GSK3B: variants seen among roughly 807,000 people sequenced by gnomAD.
GSK3B encodes glycogen synthase kinase-3 beta.
A neutral mutation model predicts 56.4 loss-of-function variants in GSK3B; 15 were observed. That is an observed-to-expected ratio of 0.27 (90% CI 0.18 to 0.41). The LOEUF is 0.41. Ranked by LOEUF, GSK3B falls within the 10% of genes least tolerant of loss-of-function variation. The pLI, the probability that GSK3B is intolerant of heterozygous loss-of-function variation, is 1.00. For synonymous variants in GSK3B, 181 were observed against 188.9 expected, an observed-to-expected ratio of 0.96 and a Z score of 0.34; for missense variants, 300 against 513.4, an observed-to-expected ratio of 0.58 and a Z score of 4.02.
intron 2 of GSK3B, among the ~76,000 whole-genome samples, chr3:119,954,266 ATAG>A (rs2057188431): frequency 6.7e-6 from 1 of 148,454 alleles, no homozygotes. Context: ...ATAGAATAGA[ATAG>A]AATAGAATAG....
intron 2 of GSK3B, among the ~76,000 whole-genome samples, chr3:119,999,530 T>A (rs1260941561): frequency 6.6e-6 from 1 of 152,248 alleles, no homozygotes; most frequent in African/African-American, 2.4e-5. Context: ...GTATCTGCTA[T>A]CATCATTAAC....
chr3:119,967,828 TTCTCTTTCTCTCTCTCTCTC>T (rs1402436976), intron 2 of GSK3B, among the ~76,000 whole-genome samples: 41 of 96,122 alleles, frequency 4.3e-4, no homozygotes, highest in African/African-American at 1.3e-3. Flanking sequence ...CTTTCTCTCT[TTCTCTTTCTCTCTCTCTCTC>T]TCTCTCTCTC....
At chr3:120,032,862 C>T (rs1403980353) in intron 1 of GSK3B, among the ~76,000 whole-genome samples, 1 of 152,204 alleles carries the variant, frequency 6.6e-6, no homozygotes, top group Non-Finnish European at 1.5e-5. Context: ...AAACCAGCTT[C>T]ATTAAGTTTT....
At chr3:120,027,601 G>C (rs1434225567) in intron 1 of GSK3B, among the ~76,000 whole-genome samples, 7 of 152,058 alleles carry the variant, frequency 4.6e-5, no homozygotes, top group African/African-American at 1.7e-4. Context: ...CACTCACAAT[G>C]AACAGACTAT....
chr3:120,073,133 T>C lies in GSK3B; in HGVS notation c.88+20214A>G, dbSNP rs141652188. On this transcript the variant is annotated intron_variant, in intron 1 of 10. Transcript: ENST00000264235. ...TGAGCTCTGTGGCTCACATCTATAA[T>C]CCCTGCACTCTGAGAGGACAAGGCA... 5.5e-5 allele frequency among the ~76,000 whole-genome samples: 8 copies of C among 144,812 alleles called. No individual in the cohort carries two copies. In the East Asian group the frequency reaches 1.2e-3, roughly 22 times the overall value.
At chr3:119,959,307 C>A (rs564449300) in intron 2 of GSK3B, among the ~76,000 whole-genome samples, 14 of 152,168 alleles carry the variant, frequency 9.2e-5, no homozygotes, top group Middle Eastern at 3.4e-3. Context: ...CCTGTGAATT[C>A]CAAAATCTTT....
chr3:119,928,775 T>A (rs759035714), intron 3 of GSK3B, among the ~76,000 whole-genome samples: 2 of 152,080 alleles, frequency 1.3e-5, no homozygotes, highest in Non-Finnish European at 2.9e-5. Flanking sequence ...CCCAATTCTG[T>A]TACTAGGAGT....
chr3:120,039,730 A>T (rs938131593), intron 1 of GSK3B, among the ~76,000 whole-genome samples: 3 of 152,326 alleles, frequency 2.0e-5, no homozygotes, highest in East Asian at 3.9e-4. Context: ...AGTGACACAG[A>T]GGTAGGGACT....
At position 119,984,162 on chromosome 3, in the gene GSK3B, A is replaced by G. The variant is rs537793788; in HGVS notation, c.282+17884T>C. ...AAAGATATTCTCTGAAACCAATGAG[A>G]ACAAAGACACAACATACCAGAATCT... On this transcript the variant is annotated intron_variant, in intron 2 of 10. Transcript: ENST00000264235. Among the ~76,000 whole-genome samples, 4 of 152,346 alleles carry G rather than the reference A, an allele frequency of 2.6e-5. No homozygotes were observed. The East Asian group carries it at 5.8e-4, about 22-fold the overall frequency.
At chr3:119,980,308 A>G (rs2057447841) in intron 2 of GSK3B, among the ~76,000 whole-genome samples, 1 of 152,178 alleles carries the variant, frequency 6.6e-6, no homozygotes, top group Non-Finnish European at 1.5e-5. Flanking sequence ...CATTTTGCAT[A>G]GAGGCTGCAA....
chr3:119,874,249 A>G (rs562533253), intron 8 of GSK3B, among the ~76,000 whole-genome samples: 2 of 152,122 alleles, frequency 1.3e-5, no homozygotes, highest in African/African-American at 4.8e-5. Flanking sequence ...TGTCCCCAAG[A>G]CCCTCATGTG....
intron 5 of GSK3B, among the ~76,000 whole-genome samples, chr3:119,914,270 CAA>C (rs949054203): frequency 6.6e-6 from 1 of 151,984 alleles, no homozygotes; most frequent in African/African-American, 2.4e-5. Flanking sequence ...ATGTACAGTC[CAA>C]AGTGTTTCCC....
chr3:120,031,956 T>A (rs951078072), intron 1 of GSK3B, among the ~76,000 whole-genome samples: 32 of 152,180 alleles, frequency 2.1e-4, no homozygotes, highest in African/African-American at 6.8e-4. Flanking sequence ...TACTCCTCCC[T>A]CTGGATTAAC....
At chr3:120,037,150 C>CA (rs1369401994) in intron 1 of GSK3B, among the ~76,000 whole-genome samples, 1 of 152,040 alleles carries the variant, frequency 6.6e-6, no homozygotes, top group Non-Finnish European at 1.5e-5. Context: ...TTGAAACAAA[C>CA]AAAAAAATTG....
intron 10 of GSK3B, among the ~76,000 whole-genome samples, chr3:119,830,669 C>T (rs2055584476): frequency 6.6e-6 from 1 of 152,170 alleles, no homozygotes; most frequent in Admixed American, 6.5e-5. Context: ...TTGTTTTCAA[C>T]CAGAGATGCT....
intron 5 of GSK3B, among the ~76,000 whole-genome samples, chr3:119,914,025 T>C (rs904990388): frequency 4.6e-5 from 7 of 151,996 alleles, no homozygotes; most frequent in Admixed American, 2.0e-4. Context: ...AGACAAAACG[T>C]TAATACCCAA....
Position 120,082,699 on chromosome 3 carries a change from A to G in GSK3B, c.88+10648T>C, listed in dbSNP as rs140474871. Among the ~76,000 whole-genome samples, 832 of 151,896 alleles carry G rather than the reference A, an allele frequency of 5.5e-3. 7 individuals carry two copies. Among genetic ancestry groups the G allele is most frequent in the Non-Finnish European group, 8.5e-3 (578 of 67,940 alleles). Reference sequence around the variant, plus strand: ...ATGAGCCACCGCGCCCGGCCCCCAAATTAGTATGTTCTTTAAGTGTAAAAC... The same window carrying G: ...ATGAGCCACCGCGCCCGGCCCCCAAGTTAGTATGTTCTTTAAGTGTAAAAC... On this transcript the variant is annotated intron_variant, in intron 1 of 10. Coordinates refer to ENST00000264235, the MANE Select transcript of GSK3B (RefSeq NM_001146156.2).
In GSK3B at chr3:119,823,468, A is replaced by G; in HGVS notation, c.*3320T>C. On this transcript the variant is annotated 3_prime_UTR_variant, in exon 11 of 11. Transcript: ENST00000264235. The stretch of plus-strand genomic sequence containing the variant: ...ACTATTAAGAAACTTCGATTTATAA[A>G]AAAACAATTCTCTGTCACTCTCTCA... 1 of 194,596 alleles carries G rather than the reference A, an allele frequency of 5.1e-6. No individual in the cohort carries two copies. The highest frequency in any genetic ancestry group is 8.1e-5 in the East Asian group (1 of 12,352). The allele number at this position is 194,596 out of a possible 1,614,324, so 12.1% of individuals were successfully genotyped here.
chr3:119,923,423 C>A lies in GSK3B; in HGVS notation c.427G>T (p.Ala143Ser), dbSNP rs200380044. 19 of 1,605,398 alleles carry A rather than the reference C, an allele frequency of 1.2e-5. No homozygotes were observed. Among genetic ancestry groups the A allele is most frequent in the Non-Finnish European group, 1.4e-5 (17 of 1,173,254 alleles). Residue 143 changes from alanine (A) to serine (S), a missense_variant, in exon 4 of 11, where the codon GCC (alanine) becomes TCC (serine). Ala to Ser is a moderately conservative substitution (Grantham distance 99, BLOSUM62 1). Transcript: ENST00000264235. ...DYVPETVYRV[A>S]RHYSRAKQTL... ...TGTTTGGCTCGACTATAGTGTCTGG[C>A]AACTCTGTATACTGTTTCCGGAACA...
Sources: gnomAD v4.1 joint callset for allele counts (sites outside exome capture counted in the v4.1 genomes callset) on GRCh38, gnomAD v4.1.1 for gene constraint, MANE v1.5 for transcripts, NCBI Gene and HGNC (gene_info 2026-07-23, HGNC 2026-07-21) for gene names.